Variants in PIAS1 observed in about 807,000 individuals in gnomAD.
PIAS1 encodes E3 SUMO-protein ligase PIAS1.
In PIAS1, 6 loss-of-function variants were observed where a neutral mutation model predicts 71.3. That is an observed-to-expected ratio of 0.08 (90% confidence interval 0.05 to 0.17). PIAS1 has a LOEUF of 0.17. Ranked by LOEUF, PIAS1 falls within the 10% of genes least tolerant of loss-of-function variation. The pLI is 1.00. For synonymous variants in PIAS1, 303 were observed against 292.9 expected, an observed-to-expected ratio of 1.03 and a Z score of -0.35; for missense variants, 555 against 793.6, an observed-to-expected ratio of 0.70 and a Z score of 3.61.
chr15:68,136,860 A>T (rs2092737482), intron 2 of PIAS1, among the ~76,000 whole-genome samples: 1 of 152,214 alleles, frequency 6.6e-6, no homozygotes, highest in Non-Finnish European at 1.5e-5. Flanking sequence ...CAGGGTTTTA[A>T]TATTCTTGTA....
At chr15:68,162,266 C>CT in intron 7 of PIAS1, among the ~76,000 whole-genome samples, 1 of 152,056 alleles carries the variant, frequency 6.6e-6, no homozygotes, top group Admixed American at 6.6e-5. Context: ...AAACACTGAG[C>CT]TTTGTTTTGT....
At chr15:68,177,017 T>C (rs916993517) in intron 11 of PIAS1, among the ~76,000 whole-genome samples, 1 of 152,126 alleles carries the variant, frequency 6.6e-6, no homozygotes, top group Non-Finnish European at 1.5e-5. Context: ...TCATGTCTCA[T>C]ACCTGTAATC....
intron 8 of PIAS1, among the ~76,000 whole-genome samples, chr15:68,165,443 C>T (rs1182765376): frequency 6.6e-6 from 1 of 152,128 alleles, no homozygotes; most frequent in Non-Finnish European, 1.5e-5. Context: ...TAAGATAGTA[C>T]CTTTCTGAGT....
rs2414990 is a variant in PIAS1 at position 68,167,952 on chromosome 15, T to C, written c.1008+3148T>C. On this transcript the variant is annotated intron_variant, in intron 8 of 13. Coordinates refer to ENST00000249636, the MANE Select transcript of PIAS1 (RefSeq NM_016166.3). This position sits in a 1 kb window ranked among gnomAD's most constrained non-coding sequence, Gnocchi z 4.4. ...AAACTCCTGACCTCAGGTGATCTGC[T>C]TGCCTTAGCTTCCCAAAATGCTGGG... Among the ~76,000 whole-genome samples the C allele has an allele frequency of 0.38, 57,506 of 151,826 alleles. 13,118 individuals are homozygous for C. Among genetic ancestry groups the C allele is most frequent in the East Asian group, 0.83 (4,249 of 5,142 alleles).
At chr15:68,061,636 A>C (rs543341114) in intron 1 of PIAS1, among the ~76,000 whole-genome samples, 23 of 152,164 alleles carry the variant, frequency 1.5e-4, no homozygotes, top group Non-Finnish European at 3.2e-4. Flanking sequence ...TTGAAAACTT[A>C]ATCTCTTTTT....
chr15:68,164,504 AAT>A lies in PIAS1; in HGVS notation c.935-225_935-224del, dbSNP rs142550300. Among the ~76,000 whole-genome samples the A allele has an allele frequency of 4.5e-3, 688 of 152,256 alleles. 5 individuals carry two copies. Among genetic ancestry groups the A allele is most frequent in the African/African-American group, 0.016 (665 of 41,570 alleles). On this transcript the variant is annotated intron_variant, in intron 7 of 13. Coordinates refer to ENST00000249636, the MANE Select transcript of PIAS1 (RefSeq NM_016166.3). The stretch of plus-strand genomic sequence containing the variant: ...GCAGGTTTTTGTCCCCTGAGTGAGA[AAT>A]AGGAAATTTATAGGAAACATAGTCA...
intron 2 of PIAS1, among the ~76,000 whole-genome samples, chr15:68,127,845 C>T (rs1411715706): frequency 6.6e-6 from 1 of 152,174 alleles, no homozygotes; most frequent in Non-Finnish European, 1.5e-5. Context: ...TCGCTGCAAC[C>T]TCCTCCTGCA....
intron 4 of PIAS1, among the ~76,000 whole-genome samples, chr15:68,145,182 A>T (rs1347050482): frequency 6.6e-6 from 1 of 152,132 alleles, no homozygotes; most frequent in Non-Finnish European, 1.5e-5. Flanking sequence ...TATTTTTATA[A>T]GTTTCTAAAA....
intron 2 of PIAS1, among the ~76,000 whole-genome samples, chr15:68,116,633 CT>C (rs2092567170): frequency 6.6e-6 from 1 of 151,942 alleles, no homozygotes; most frequent in African/African-American, 2.4e-5. Context: ...GGTTTCATTT[CT>C]CTTCTCTTTT....
chr15:68,166,105 A>C (rs1343373449), intron 8 of PIAS1, among the ~76,000 whole-genome samples: 10 of 152,192 alleles, frequency 6.6e-5, no homozygotes, highest in African/African-American at 2.4e-4. Flanking sequence ...TTATAGAAAA[A>C]AATACAATGA....
chr15:68,078,673 A>T (rs2140974081), intron 1 of PIAS1, among the ~76,000 whole-genome samples: 1 of 152,242 alleles, frequency 6.6e-6, no homozygotes, highest in East Asian at 1.9e-4. Context: ...TCCATCATGT[A>T]GTTACTGTGT....
Position 68,188,058 on chromosome 15 carries a change from C to A in PIAS1, c.*223C>A. 4 of 324,954 alleles carry A rather than the reference C, an allele frequency of 1.2e-5. No homozygotes were observed. The highest frequency in any genetic ancestry group is 1.3e-4 in the South Asian group (1 of 7,878). The allele number at this position is 324,954 out of a possible 1,614,324, so 20.1% of individuals were successfully genotyped here. A position where few individuals can be genotyped will look rare whatever the true frequency, so the allele number is the denominator to read the frequency against. On this transcript the variant is annotated 3_prime_UTR_variant, in exon 14 of 14. Transcript: ENST00000249636. ...CTAAGACTGCCTGTGTGATAAAACA[C>A]TTGTTTAAAAAAAAAAAGGAAAGAA...
chr15:68,118,765 G>A (rs893891753), intron 2 of PIAS1, among the ~76,000 whole-genome samples: 4 of 152,076 alleles, frequency 2.6e-5, no homozygotes, highest in African/African-American at 4.8e-5. Flanking sequence ...TCTGCTAGCC[G>A]TATGTATGTC....
chr15:68,145,692 G>C, intron 4 of PIAS1, 124 bp from the exon 5 acceptor site: 1 of 618,626 alleles, frequency 1.6e-6, no homozygotes, highest in Non-Finnish European at 2.9e-6. Context: ...GAAAAGTCCA[G>C]TTTTTATAGT....
At chr15:68,139,773 A>T (rs1477462104) in intron 2 of PIAS1, among the ~76,000 whole-genome samples, 2 of 152,104 alleles carry the variant, frequency 1.3e-5, no homozygotes, top group East Asian at 3.8e-4. Context: ...TGTTTTGCAG[A>T]TAGATACTTT....
chr15:68,147,266 T>G (rs1219461389), intron 6 of PIAS1, among the ~76,000 whole-genome samples: 1 of 152,222 alleles, frequency 6.6e-6, no homozygotes, highest in African/African-American at 2.4e-5. Context: ...GTTAACACTA[T>G]TATCTTCTTT....
intron 2 of PIAS1, among the ~76,000 whole-genome samples, chr15:68,117,413 A>ATTT (rs2092574264): frequency 6.6e-6 from 1 of 152,174 alleles, no homozygotes; most frequent in African/African-American, 2.4e-5. Flanking sequence ...AATATGCAAT[A>ATTT]CATTATTGTT....
chr15:68,144,866 C>T (rs917413861), intron 4 of PIAS1, among the ~76,000 whole-genome samples: 45 of 152,054 alleles, frequency 3.0e-4, no homozygotes, highest in African/African-American at 1.0e-3. Flanking sequence ...ATATTGTGCA[C>T]GATCCCCGTA....
rs2093116067 is a variant in PIAS1 at position 68,190,813 on chromosome 15, A to G, written c.*2978A>G. On this transcript the variant is annotated 3_prime_UTR_variant, in exon 14 of 14. Coordinates refer to ENST00000249636, the MANE Select transcript of PIAS1 (RefSeq NM_016166.3). This position sits in a 1 kb window ranked among gnomAD's most constrained non-coding sequence, Gnocchi z 4.7. ...CCATACTTGGTTGACTATTTTGAGC[A>G]TTAAAATTGCTTTACTAATTATTTA... 6.6e-6 allele frequency: 1 copy of G among 152,138 alleles called. No individual in the cohort carries two copies. The highest frequency in any genetic ancestry group is 6.5e-5 in the Admixed American group (1 of 15,278). The allele number at this position is 152,138 out of a possible 1,614,324, so 9.4% of individuals were successfully genotyped here. A position where few individuals can be genotyped will look rare whatever the true frequency, so the allele number is the denominator to read the frequency against.
Sources: gnomAD v4.1 joint callset for allele counts (sites outside exome capture counted in the v4.1 genomes callset) on GRCh38, gnomAD v4.1.1 for gene constraint, Gnocchi (gnomAD v3.1) non-coding constraint, MANE v1.5 for transcripts, NCBI Gene and HGNC (gene_info 2026-07-23, HGNC 2026-07-21) for gene names.